RNF157: variants seen among roughly 807,000 people sequenced by gnomAD.
RNF157 encodes the protein ring finger protein 157.
Under a neutral mutation model 88.3 loss-of-function variants are expected in RNF157, and 55 were observed. That is an observed-to-expected ratio of 0.62 (90% CI 0.50 to 0.78). The LOEUF is 0.78. Ranked by LOEUF, RNF157 falls within the 30% of genes least tolerant of loss-of-function variation. The probability of loss-of-function intolerance (pLI) is 0.00; values close to 1 mark genes in which losing one functional copy is unlikely to be tolerated. For synonymous variants in RNF157, 334 were observed against 341.2 expected (o/e 0.98, Z 0.23); for missense variants, 788 against 860.8 (o/e 0.92, Z 1.06).
intron 2 of RNF157, among the ~76,000 whole-genome samples, chr17:76,201,510 T>TA (rs199750475): frequency 0.021 from 3,126 of 148,266 alleles, 95 homozygotes; most frequent in African/African-American, 0.069. Flanking sequence ...AGCTTATTTC[T>TA]AAAAAAAAAA....
intron 8 of RNF157, chr17:76,163,089 G>A (rs907009785): frequency 6.4e-6 from 1 of 155,088 alleles, no homozygotes; most frequent in African/African-American, 2.4e-5. Flanking sequence ...TGCAAAGGGC[G>A]ATAGCAAGAC....
intron 1 of RNF157, among the ~76,000 whole-genome samples, chr17:76,238,085 C>CA (rs555165221): frequency 0.05 from 4,704 of 93,496 alleles, 179 homozygotes; most frequent in East Asian, 0.19. Flanking sequence ...GACGATGACT[C>CA]AAAAAAAAAA....
intron 2 of RNF157, among the ~76,000 whole-genome samples, chr17:76,204,180 C>T (rs1197022890): frequency 6.6e-6 from 1 of 152,202 alleles, no homozygotes; most frequent in Non-Finnish European, 1.5e-5. Context: ...TGACTACTCA[C>T]CACTCTGAGC....
rs150883891 is a variant in RNF157, at chr17:76,231,128, G to A, written c.88+9025C>T. Reference sequence around the variant, plus strand: ...TTCTCCTGTCTCAGCCTCCCAAGCAGCTGTGACTACAGGCACCGGCCACAA... The same window carrying A: ...TTCTCCTGTCTCAGCCTCCCAAGCAACTGTGACTACAGGCACCGGCCACAA... On this transcript the variant is annotated intron_variant, in intron 1 of 18. Transcript: ENST00000269391. 6.4e-4 allele frequency among the ~76,000 whole-genome samples: 98 copies of A among 151,962 alleles called. 1 individual carries two copies. In the East Asian group the frequency reaches 0.017, roughly 26 times the overall value.
chr17:76,168,277 T>C (rs1231782774), intron 3 of RNF157, among the ~76,000 whole-genome samples: 2 of 152,202 alleles, frequency 1.3e-5, no homozygotes, highest in African/African-American at 4.8e-5. Context: ...CTGTGCTCCA[T>C]GTAGGAACTC....
At chr17:76,159,649 C>T (rs1285668515) in intron 11 of RNF157, 76 bp from the exon 12 acceptor site, 2 of 1,060,996 alleles carry the variant, frequency 1.9e-6, no homozygotes, top group East Asian at 2.4e-5. Context: ...TACTTCTCTA[C>T]ACTGAAAAAA....
At chr17:76,203,603 C>T (rs546520758) in intron 2 of RNF157, among the ~76,000 whole-genome samples, 1 of 151,736 alleles carries the variant, frequency 6.6e-6, no homozygotes, top group Admixed American at 6.6e-5. Context: ...CGGGAACCCG[C>T]CATCATGCCT....
intron 1 of RNF157, chr17:76,226,156 A>G: frequency 6.2e-7 from 1 of 1,605,288 alleles, no homozygotes; most frequent in Middle Eastern, 1.7e-4. Context: ...TGCCACTATC[A>G]TTATCTGAAG....
chr17:76,163,926 T>C (rs1696824498), intron 8 of RNF157: 2 of 152,240 alleles, frequency 1.3e-5, no homozygotes, highest in Admixed American at 6.5e-5. Flanking sequence ...AACTAATTTA[T>C]CCTAAGATAT....
rs1217370477 is a variant in RNF157, at chr17:76,145,034, T to C, written c.*201A>G. Reference sequence around the variant, plus strand: ...AAAAGGTCTCGTGAGCTGCAGTTCATTGAGTGGCTTTAGGTCACACGGAGA... The same window carrying C: ...AAAAGGTCTCGTGAGCTGCAGTTCACTGAGTGGCTTTAGGTCACACGGAGA... On this transcript the variant is annotated 3_prime_UTR_variant, in exon 19 of 19. Transcript: ENST00000269391. 8 of 534,878 alleles carry C rather than the reference T, an allele frequency of 1.5e-5. No homozygotes were observed. The highest frequency in any genetic ancestry group is 2.7e-5 in the Non-Finnish European group (8 of 301,532). 33.1% of individuals were successfully genotyped at this position (534,878 alleles called of 1,614,324 possible).
At chr17:76,204,782 CTT>C (rs577037374) in intron 2 of RNF157, among the ~76,000 whole-genome samples, 9 of 139,700 alleles carry the variant, frequency 6.4e-5, no homozygotes, top group Admixed American at 7.1e-5. Context: ...TTCTTTCTTT[CTT>C]TTTTTTTTTT....
rs2068583748 is a variant in RNF157, at chr17:76,146,248, T to G, written c.1922-895A>C. The G allele has an allele frequency of 6.2e-6, 4 of 643,254 alleles. No homozygotes were observed. The highest frequency in any genetic ancestry group is 7.7e-6 in the Non-Finnish European group (4 of 517,460). The allele number at this position is 643,254 out of a possible 1,614,324, so 39.8% of individuals were successfully genotyped here. A position where few individuals can be genotyped will look rare whatever the true frequency, so the allele number is the denominator to read the frequency against. ...TGACCTTGGGCACATCAGTTTACTG[T>G]GGGCCTTGGTTTTCTCACCCATCAG... On this transcript the variant is annotated intron_variant, in intron 18 of 18. Transcript: ENST00000269391. The surrounding 1 kb of genome is among the most constrained non-coding windows in gnomAD (Gnocchi z 4.2).
Position 76,158,444 on chromosome 17 carries a change from G to C in RNF157, c.1362C>G (p.Ser454Arg), listed in dbSNP as rs28672851. ...LHEEEDEHSC[S>R]ESETQLSQRP... The stretch of plus-strand genomic sequence containing the variant: ...TCTGAGAGAGCTGTGTCTCCGACTC[G>C]CTGCAGGAATGCTCATCTTCCTCTT... Residue 454 changes from serine to arginine, a missense_variant, in exon 13 of 19, where the codon AGC becomes AGG. Physicochemically the swap from Ser to Arg is moderately radical, Grantham distance 110. Coordinates refer to ENST00000269391, the MANE Select transcript of RNF157 (RefSeq NM_052916.3). The C allele has an allele frequency of 6.2e-7, 1 of 1,613,736 alleles. No individual in the cohort carries two copies. The highest frequency in any genetic ancestry group is 8.5e-7 in the Non-Finnish European group (1 of 1,179,894).
chr17:76,152,299 G>T (rs1039983915), intron 18 of RNF157, 56 bp downstream of exon 18: 9 of 1,132,484 alleles, frequency 7.9e-6, no homozygotes, highest in Admixed American at 6.7e-5. Context: ...GAGAGCAGGG[G>T]TAAGAGCACA....
rs2068590189 is a variant in RNF157 at position 76,146,673 on chromosome 17, C to T, written c.1922-1320G>A. On this transcript the variant is annotated intron_variant, in intron 18 of 18. Transcript: ENST00000269391. This position sits in a 1 kb window ranked among gnomAD's most constrained non-coding sequence, Gnocchi z 4.2. ...GCAGCCTGAACTACTGCTCCACGCACACGTCACATGGCAGAAACCGCTAGG... is the reference window on the plus strand; with the variant it reads ...GCAGCCTGAACTACTGCTCCACGCATACGTCACATGGCAGAAACCGCTAGG... The T allele has an allele frequency of 1.0e-6, 1 of 985,374 alleles. No individual in the cohort carries two copies. The highest frequency in any genetic ancestry group is 1.2e-6 in the Non-Finnish European group (1 of 829,958). 61.0% of individuals were successfully genotyped at this position (985,374 alleles called of 1,614,324 possible).
At chr17:76,190,260 G>A (rs1479241507) in intron 2 of RNF157, among the ~76,000 whole-genome samples, 1 of 150,316 alleles carries the variant, frequency 6.7e-6, no homozygotes, top group Non-Finnish European at 1.5e-5. Flanking sequence ...TCCACCTCCC[G>A]GGTTCAAGTA....
chr17:76,221,795 G>A (rs2069987250), intron 1 of RNF157, among the ~76,000 whole-genome samples: 1 of 152,200 alleles, frequency 6.6e-6, no homozygotes, highest in African/African-American at 2.4e-5. Context: ...GAGGTATAAT[G>A]TGTCCGACAT....
At chr17:76,179,657 C>A (rs71382200) in intron 2 of RNF157, among the ~76,000 whole-genome samples, 3 of 151,836 alleles carry the variant, frequency 2.0e-5, no homozygotes, top group Admixed American at 6.6e-5. Flanking sequence ...CATGCCACTG[C>A]ACTCCAGCCT....
intron 2 of RNF157, among the ~76,000 whole-genome samples, chr17:76,177,479 C>T (rs961689036): frequency 6.6e-6 from 1 of 151,936 alleles, no homozygotes; most frequent in African/African-American, 2.4e-5. Context: ...CCCCTGCTGC[C>T]TCGGCCCCTT....
Sources: gnomAD v4.1 joint callset for allele counts (sites outside exome capture counted in the v4.1 genomes callset) on GRCh38, gnomAD v4.1.1 for gene constraint, Gnocchi (gnomAD v3.1) non-coding constraint, MANE v1.5 for transcripts, NCBI Gene and HGNC (gene_info 2026-07-23, HGNC 2026-07-21) for gene names.